The following CAMTA1 variants were observed in gnomAD, a reference collection of about 807,000 sequenced individuals.
CAMTA1 encodes the protein calmodulin binding transcription activator 1, also known as calmodulin-binding transcription activator 1.
A neutral mutation model predicts 170.9 loss-of-function variants in CAMTA1; 27 were observed. The ratio of observed to expected loss-of-function variants is 0.16; its 90% CI spans 0.12 to 0.22. The LOEUF is 0.22. Ranked by LOEUF, CAMTA1 falls within the 10% of genes least tolerant of loss-of-function variation. CAMTA1 has a pLI of 1.00. For synonymous variants in CAMTA1, 833 were observed against 891.5 expected (o/e 0.93, Z 1.17); for missense variants, 1,619 against 2,217.2 (o/e 0.73, Z 5.42).
At chr1:6,789,912 C>T (rs377097127) in intron 1 of CAMTA1, among the ~76,000 whole-genome samples, 2 of 146,440 alleles carry the variant, frequency 1.4e-5, no homozygotes, top group Non-Finnish European at 3.0e-5. Context: ...CAGGTTCAAG[C>T]AATTCTCTTG....
rs1460815325 is a variant in CAMTA1 at position 7,562,147 on chromosome 1, T to G, written c.511-78253T>G. On this transcript the variant is annotated intron_variant, in intron 6 of 22. Coordinates refer to ENST00000303635, the MANE Select transcript of CAMTA1 (RefSeq NM_015215.4). This position sits in a 1 kb window ranked among gnomAD's most constrained non-coding sequence, Gnocchi z 4.8. The stretch of plus-strand genomic sequence containing the variant: ...GCCAGCCTCACTACCCGCACCAGGA[T>G]TCACGGGTTGCAGCTGCCCAGTCCT... Among the ~76,000 whole-genome samples, 1 of 152,118 alleles carries G rather than the reference T, an allele frequency of 6.6e-6. No individual in the cohort carries two copies. The highest frequency in any genetic ancestry group is 1.5e-5 in the Non-Finnish European group (1 of 68,024).
At chr1:6,933,144 C>T (rs147160851) in intron 3 of CAMTA1, among the ~76,000 whole-genome samples, 9 of 152,086 alleles carry the variant, frequency 5.9e-5, no homozygotes, top group South Asian at 2.1e-4. Context: ...TTCACAGCCT[C>T]GAACCCCTGA....
At chr1:7,350,719 T>C (rs186581198) in intron 5 of CAMTA1, among the ~76,000 whole-genome samples, 11 of 152,206 alleles carry the variant, frequency 7.2e-5, no homozygotes, top group Admixed American at 6.5e-4. Flanking sequence ...AAGGAAGTCA[T>C]ATGGTGTGTG....
chr1:7,358,667 A>G (rs1457105225), intron 5 of CAMTA1, among the ~76,000 whole-genome samples: 1 of 152,002 alleles, frequency 6.6e-6, no homozygotes, highest in Non-Finnish European at 1.5e-5. Context: ...ATATAGATAT[A>G]TTTTCCTTTC....
rs902767436 is a variant in CAMTA1, at chr1:7,680,284, C to T, written c.2914+2551C>T. Reference sequence around the variant, plus strand: ...CGGTCTCCGCAGCTTCTCGGCTCAGCCCCTCCCGTCCCCGCGGGCGCTGGG... The same window carrying T: ...CGGTCTCCGCAGCTTCTCGGCTCAGTCCCTCCCGTCCCCGCGGGCGCTGGG... On this transcript the variant is annotated intron_variant, in intron 11 of 22. Coordinates refer to ENST00000303635, the MANE Select transcript of CAMTA1 (RefSeq NM_015215.4). This position sits in a 1 kb window ranked among gnomAD's most constrained non-coding sequence, Gnocchi z 4.4. 5 of 202,342 alleles carry T rather than the reference C, an allele frequency of 2.5e-5. No homozygotes were observed. The East Asian group carries it at 7.5e-4, about 31-fold the overall frequency. 12.5% of individuals were successfully genotyped at this position (202,342 alleles called of 1,614,324 possible).
chr1:7,623,040 G>A (rs1284614028), intron 6 of CAMTA1, among the ~76,000 whole-genome samples: 1 of 152,180 alleles, frequency 6.6e-6, no homozygotes, highest in Non-Finnish European at 1.5e-5. Context: ...ACAGCTGAAG[G>A]TTCCATCCTC....
At chr1:7,584,018 C>T (rs535925907) in intron 6 of CAMTA1, among the ~76,000 whole-genome samples, 9 of 152,148 alleles carry the variant, frequency 5.9e-5, no homozygotes, top group African/African-American at 2.2e-4. Context: ...GCATTCTGCT[C>T]AGAGAGGGGG....
At chr1:7,545,340 T>G (rs1332774481) in intron 6 of CAMTA1, among the ~76,000 whole-genome samples, 1 of 152,182 alleles carries the variant, frequency 6.6e-6, no homozygotes, top group Non-Finnish European at 1.5e-5. Flanking sequence ...CAAAACCACA[T>G]CAGAACTCTC....
rs1303408411 is a variant in CAMTA1, at chr1:7,216,192, G to C, written c.303-33299G>C. On this transcript the variant is annotated intron_variant, in intron 4 of 22. Transcript: ENST00000303635. The surrounding 1 kb of genome is among the most constrained non-coding windows in gnomAD (Gnocchi z 4.0). Reference sequence around the variant, plus strand: ...GGTCCTGCACTCTTCCAAACAACCAGATCTCCTGAGAACTCACTCACTATC... The same window carrying C: ...GGTCCTGCACTCTTCCAAACAACCACATCTCCTGAGAACTCACTCACTATC... 2.0e-5 allele frequency among the ~76,000 whole-genome samples: 3 copies of C among 152,136 alleles called. No individual in the cohort carries two copies. The highest frequency in any genetic ancestry group is 4.8e-5 in the African/African-American group (2 of 41,428).
At chr1:7,602,386 G>A (rs1318308755) in intron 6 of CAMTA1, among the ~76,000 whole-genome samples, 1 of 152,092 alleles carries the variant, frequency 6.6e-6, no homozygotes, top group Non-Finnish European at 1.5e-5. Context: ...AGTCTTGGGA[G>A]AGTGTATGTG....
chr1:7,744,947 C>T lies in CAMTA1; in HGVS notation c.4295C>T (p.Thr1432Ile). The T allele has an allele frequency of 6.2e-7, 1 of 1,614,154 alleles. No homozygotes were observed. The highest frequency in any genetic ancestry group is 1.1e-5 in the South Asian group (1 of 91,082). The change falls in exon 17 of 23, where the codon ACC becomes ATC. Residue 1432 changes from threonine to isoleucine, a missense_variant. This residue lies in a region of CAMTA1 where 370 missense variants were observed against 429.4 expected (regional missense o/e 0.86). Transcript: ENST00000303635. ...SSGLERTDPA[T>I]ISSTMSWLAS... ...GGATTGGAAAGAACAGACCCTGCCACCATTAGCAGTACAATGAGCTGGCTG... is the reference window on the plus strand; with the variant it reads ...GGATTGGAAAGAACAGACCCTGCCATCATTAGCAGTACAATGAGCTGGCTG...
chr1:7,474,264 T>C (rs1220109210), intron 6 of CAMTA1, among the ~76,000 whole-genome samples: 2 of 136,890 alleles, frequency 1.5e-5, no homozygotes. Context: ...GTCTAATGTC[T>C]CTGAGTCTCA....
chr1:7,479,362 C>T (rs1388473125), intron 6 of CAMTA1, among the ~76,000 whole-genome samples: 2 of 152,220 alleles, frequency 1.3e-5, no homozygotes, highest in Non-Finnish European at 2.9e-5. Context: ...TCTCAGTTCT[C>T]CTGCCTTCAT....
chr1:7,647,600 G>A (rs530640471), intron 7 of CAMTA1, among the ~76,000 whole-genome samples: 2 of 152,308 alleles, frequency 1.3e-5, no homozygotes, highest in East Asian at 1.9e-4. Flanking sequence ...GTGGGGCTTG[G>A]GGTGGGGCTG....
chr1:6,790,108 C>T lies in CAMTA1; in HGVS notation c.45+4533C>T, dbSNP rs190668252. Among the ~76,000 whole-genome samples, 11 of 152,192 alleles carry T rather than the reference C, an allele frequency of 7.2e-5. No individual in the cohort carries two copies. In the East Asian group the frequency reaches 1.2e-3, roughly 16 times the overall value. On this transcript the variant is annotated intron_variant, in intron 1 of 22. Transcript: ENST00000303635. ...CCTCCCAAAGTGCTGGGATTACAGGCGCAAGCTGCCACGCCTGGCCTTCGG... is the reference window on the plus strand; with the variant it reads ...CCTCCCAAAGTGCTGGGATTACAGGTGCAAGCTGCCACGCCTGGCCTTCGG...
chr1:6,901,436 A>G (rs1194968259), intron 3 of CAMTA1, among the ~76,000 whole-genome samples: 1 of 152,226 alleles, frequency 6.6e-6, no homozygotes, highest in Non-Finnish European at 1.5e-5. Context: ...TTAGATAATG[A>G]AAAAACAAGC....
intron 5 of CAMTA1, among the ~76,000 whole-genome samples, chr1:7,255,443 G>GT (rs985145863): frequency 1.5e-4 from 23 of 152,142 alleles, no homozygotes; most frequent in African/African-American, 5.3e-4. Flanking sequence ...TTCAGAAGCT[G>GT]TTTTTTTCCC....
chr1:6,943,898 A>G (rs988087949), intron 3 of CAMTA1, among the ~76,000 whole-genome samples: 3 of 151,902 alleles, frequency 2.0e-5, no homozygotes, highest in African/African-American at 7.3e-5. Context: ...TAGAATTTTA[A>G]CCATTTTAAG....
chr1:7,331,517 C>T lies in CAMTA1; in HGVS notation c.438+81891C>T, dbSNP rs2083036496. ...ATTAAAACAAGAGAATACACAAGCA[C>T]TGCACATTCCATGAGCTGCCAGACC... On this transcript the variant is annotated intron_variant, in intron 5 of 22. Coordinates refer to ENST00000303635, the MANE Select transcript of CAMTA1 (RefSeq NM_015215.4). 2.0e-5 allele frequency among the ~76,000 whole-genome samples: 3 copies of T among 152,242 alleles called. 1 individual carries two copies. The South Asian group carries it at 6.2e-4, about 32-fold the overall frequency.
Sources: gnomAD v4.1 joint callset for allele counts (sites outside exome capture counted in the v4.1 genomes callset) on GRCh38, gnomAD v4.1.1 for gene constraint, gnomAD v4.1.1 regional missense constraint, Gnocchi (gnomAD v3.1) non-coding constraint, MANE v1.5 for transcripts, NCBI Gene and HGNC (gene_info 2026-07-23, HGNC 2026-07-21) for gene names.